ARHGEF10L: variants seen among roughly 807,000 people sequenced by gnomAD.
The protein encoded by ARHGEF10L is rho guanine nucleotide exchange factor 10-like protein.
In ARHGEF10L, 69 loss-of-function variants were observed where a neutral mutation model predicts 141.2. The ratio of observed to expected loss-of-function variants is 0.49; its 90% CI spans 0.40 to 0.60. ARHGEF10L has a LOEUF of 0.60. Among genes scored for constraint, ARHGEF10L ranks in the 20% least tolerant of loss-of-function variants. ARHGEF10L has a pLI of 0.00. For synonymous variants in ARHGEF10L, 711 were observed against 718.5 expected, an observed-to-expected ratio of 0.99 and a Z score of 0.17; for missense variants, 1,482 against 1,734.3, an observed-to-expected ratio of 0.85 and a Z score of 2.58.
At chr1:17,666,004 A>G (rs1393118729) in intron 26 of ARHGEF10L, among the ~76,000 whole-genome samples, 1 of 152,196 alleles carries the variant, frequency 6.6e-6, no homozygotes, top group Non-Finnish European at 1.5e-5. Context: ...TTCTGAAGGC[A>G]GGAAAGAACC....
intron 26 of ARHGEF10L, among the ~76,000 whole-genome samples, chr1:17,671,951 A>AG (rs2063346854): frequency 6.6e-6 from 1 of 152,154 alleles, no homozygotes; most frequent in Admixed American, 6.5e-5. Context: ...TGTTTCCCCA[A>AG]GTGGGGGGTG....
intron 26 of ARHGEF10L, among the ~76,000 whole-genome samples, chr1:17,670,220 C>G (rs909158228): frequency 3.3e-5 from 5 of 152,260 alleles, no homozygotes; most frequent in African/African-American, 1.2e-4. Flanking sequence ...CCAGCTGGTC[C>G]CTGCTGGGCT....
rs988310594 is a variant in ARHGEF10L, at chr1:17,625,129, T to A, written c.1317+626T>A. Among the ~76,000 whole-genome samples the A allele has an allele frequency of 2.6e-5, 4 of 152,104 alleles. No homozygotes were observed. Among genetic ancestry groups the A allele is most frequent in the African/African-American group, 4.8e-5 (2 of 41,420 alleles). On this transcript the variant is annotated intron_variant, in intron 13 of 28. Transcript: ENST00000361221. The surrounding 1 kb of genome is among the most constrained non-coding windows in gnomAD (Gnocchi z 4.5). ...ACGGCCTCAGTGGAGGAACCCACTG[T>A]CCCCATCAAAGAGAACAGGGGATCA...
the ARHGEF10L span, among the ~76,000 whole-genome samples, chr1:17,529,922 T>A: frequency 7.5e-6 from 1 of 133,282 alleles, no homozygotes; most frequent in Non-Finnish European, 1.6e-5. Context: ...GACCTCCACC[T>A]CCCAGGTTCA....
intron 9 of ARHGEF10L, chr1:17,618,360 C>G: frequency 2.0e-6 from 3 of 1,530,424 alleles, no homozygotes; most frequent in Non-Finnish European, 2.6e-6. Context: ...AAGAATGTTA[C>G]CCAGCAGCTC....
chr1:17,689,972 T>C, intron 27 of ARHGEF10L: 1 of 390,904 alleles, frequency 2.6e-6, no homozygotes, highest in Admixed American at 3.2e-5. Context: ...TTGTCTTACT[T>C]ACTCTTTGCA....
At chr1:17,653,926 G>A (rs1012527457) in intron 22 of ARHGEF10L, among the ~76,000 whole-genome samples, 3 of 152,220 alleles carry the variant, frequency 2.0e-5, no homozygotes, top group East Asian at 1.9e-4. Flanking sequence ...GTCCAGGGAC[G>A]GCTGGGGCCT....
chr1:17,552,571 G>GTTTT lies in ARHGEF10L; in HGVS notation c.-44+12650_-44+12653dup, dbSNP rs34766409. ...ATGCTACCACAGCTGGCTAATTTTCGTTTTTTTTTTTTTTTTTTTTTTTTT... is the reference window on the plus strand; with the variant it reads ...ATGCTACCACAGCTGGCTAATTTTCGTTTTTTTTTTTTTTTTTTTTTTTTTTTTT... On this transcript the variant is annotated intron_variant, in intron 1 of 28. Coordinates refer to ENST00000361221, the MANE Select transcript of ARHGEF10L (RefSeq NM_018125.4). Among the ~76,000 whole-genome samples the GTTTT allele has an allele frequency of 1.1e-3, 48 of 44,924 alleles. 2 individuals carry two copies. Among genetic ancestry groups the GTTTT allele is most frequent in the South Asian group, 3.1e-3 (3 of 982 alleles). 29.5% of individuals were successfully genotyped at this position (44,924 alleles called of 152,430 possible). A position where few individuals can be genotyped will look rare whatever the true frequency, so the allele number is the denominator to read the frequency against.
chr1:17,627,529 C>G lies in ARHGEF10L; in HGVS notation c.1584+26C>G. 6.2e-7 allele frequency: 1 copy of G among 1,605,770 alleles called. No homozygotes were observed. Among genetic ancestry groups the G allele is most frequent in the Middle Eastern group, 2.2e-4 (1 of 4,544 alleles). On this transcript the variant is annotated intron_variant, in intron 15 of 28. Coordinates refer to ENST00000361221, the MANE Select transcript of ARHGEF10L (RefSeq NM_018125.4). The surrounding 1 kb of genome is among the most constrained non-coding windows in gnomAD (Gnocchi z 4.0). Reference sequence around the variant, plus strand: ...GTGAGCTGGGCCTCCCACCTGCCTGCCCTCACCTGCCTGCCCTCACCTGTG... The same window carrying G: ...GTGAGCTGGGCCTCCCACCTGCCTGGCCTCACCTGCCTGCCCTCACCTGTG...
rs71643461 is a variant in ARHGEF10L at position 17,697,082 on chromosome 1, C to T, written c.3542C>T (p.Ala1181Val). 1 of 1,606,892 alleles carries T rather than the reference C, an allele frequency of 6.2e-7. No homozygotes were observed. Among genetic ancestry groups the T allele is most frequent in the Admixed American group, 1.7e-5 (1 of 59,720 alleles). Residue 1181 changes from alanine (A) to valine (V), a missense_variant, in exon 29 of 29, where the codon GCA becomes GTA. Around this residue, in one of 3 missense-constraint regions of ARHGEF10L, gnomAD observed 858 missense variants for 966.3 expected, o/e 0.89. Transcript: ENST00000361221. This position sits in a 1 kb window ranked among gnomAD's most constrained non-coding sequence, Gnocchi z 4.8. ...TTGCAGTACCGCCTGCGCTCCACCG[C>T]ACACCTCCCGGGCCCGCTGCTCTCC... The part of the protein sequence containing the change: ...ILLQYRLRST[A>V]HLPGPLLSMR...
chr1:17,621,460 T>C lies in ARHGEF10L; in HGVS notation c.943-404T>C, dbSNP rs934063049. Among the ~76,000 whole-genome samples, 1 of 152,198 alleles carries C rather than the reference T, an allele frequency of 6.6e-6. No homozygotes were observed. The highest frequency in any genetic ancestry group is 2.4e-5 in the African/African-American group (1 of 41,450). ...GTTGGCCAGGCTGGTTTCGAACTCC[T>C]GACTTCAGGTGATTTGCCCATCTCT... On this transcript the variant is annotated intron_variant, in intron 10 of 28. Coordinates refer to ENST00000361221, the MANE Select transcript of ARHGEF10L (RefSeq NM_018125.4). This position sits in a 1 kb window ranked among gnomAD's most constrained non-coding sequence, Gnocchi z 4.1.
At chr1:17,663,040 C>T (rs938574782) in intron 25 of ARHGEF10L, among the ~76,000 whole-genome samples, 2 of 152,226 alleles carry the variant, frequency 1.3e-5, no homozygotes, top group African/African-American at 4.8e-5. Flanking sequence ...CCCTTTCCCA[C>T]CTGGCACCCT....
chr1:17,585,280 G>T (rs2078930785), intron 2 of ARHGEF10L, among the ~76,000 whole-genome samples: 1 of 152,146 alleles, frequency 6.6e-6, no homozygotes, highest in African/African-American at 2.4e-5. Flanking sequence ...GGTGAATGGA[G>T]CTGGGTTCCA....
chr1:17,521,971 C>T, the ARHGEF10L span, among the ~76,000 whole-genome samples: 288 of 152,330 alleles, frequency 1.9e-3, 1 homozygote, highest in African/African-American at 6.4e-3. Context: ...CCTATCCTTA[C>T]GTAGCCCCCA....
chr1:17,639,217 C>A lies in ARHGEF10L; in HGVS notation c.2171+528C>A, dbSNP rs1300311463. 6.6e-6 allele frequency among the ~76,000 whole-genome samples: 1 copy of A among 152,178 alleles called. No homozygotes were observed. The highest frequency in any genetic ancestry group is 1.5e-5 in the Non-Finnish European group (1 of 68,032). ...CCTCCTGAGGCTTTGTAAGTTGGGTCTTTTTATTTCCATTTTACAGATGAG... is the reference window on the plus strand; with the variant it reads ...CCTCCTGAGGCTTTGTAAGTTGGGTATTTTTATTTCCATTTTACAGATGAG... On this transcript the variant is annotated intron_variant, in intron 20 of 28. Coordinates refer to ENST00000361221, the MANE Select transcript of ARHGEF10L (RefSeq NM_018125.4). The surrounding 1 kb of genome is among the most constrained non-coding windows in gnomAD (Gnocchi z 4.3).
In ARHGEF10L at chr1:17,624,690, G is replaced by A. The variant is rs373294818; in HGVS notation, c.1317+187G>A. Among the ~76,000 whole-genome samples, 82 of 152,278 alleles carry A rather than the reference G, an allele frequency of 5.4e-4. No individual in the cohort carries two copies. In the South Asian group the frequency reaches 0.012, roughly 23 times the overall value. On this transcript the variant is annotated intron_variant, in intron 13 of 28. Transcript: ENST00000361221. ...GTTCCCTCCTGCCCCTGGGAGGAGC[G>A]TAGCCAAGTGTCTGTAAGCAACTGG... is the stretch of plus-strand genomic sequence containing the variant.
chr1:17,539,857 C>CCGCGGCGGCCTGCGGAGCTGGAGG lies in ARHGEF10L; in HGVS notation c.-129_-106dup, dbSNP rs1360891028. 4 of 148,184 alleles carry CCGCGGCGGCCTGCGGAGCTGGAGG rather than the reference C, an allele frequency of 2.7e-5. No homozygotes were observed. The highest frequency in any genetic ancestry group is 4.5e-5 in the Non-Finnish European group (3 of 66,518). The allele number at this position is 148,184 out of a possible 1,614,324, so 9.2% of individuals were successfully genotyped here. A position where few individuals can be genotyped will look rare whatever the true frequency, so the allele number is the denominator to read the frequency against. On this transcript the variant is annotated 5_prime_UTR_variant, in exon 1 of 29. Coordinates refer to ENST00000361221, the MANE Select transcript of ARHGEF10L (RefSeq NM_018125.4). The surrounding 1 kb of genome is among the most constrained non-coding windows in gnomAD (Gnocchi z 6.0). ...GGGGCGCCGTCCCGGCCATGGGCGC[C>CCGCGGCGGCCTGCGGAGCTGGAGG]CGCGGCGGCCTGCGGAGCTGGAGGC...
intron 1 of ARHGEF10L, among the ~76,000 whole-genome samples, chr1:17,571,138 T>A (rs1289411689): frequency 6.6e-6 from 1 of 151,962 alleles, no homozygotes; most frequent in African/African-American, 2.4e-5. Flanking sequence ...GTGACCCAGG[T>A]GGCCCAGGGA....
At chr1:17,609,216 G>T (rs957730470) in intron 7 of ARHGEF10L, among the ~76,000 whole-genome samples, 3 of 152,206 alleles carry the variant, frequency 2.0e-5, no homozygotes, top group Admixed American at 2.0e-4. Context: ...GATCCACTCT[G>T]GGAGAGGCAT....
Sources: allele counts gnomAD v4.1 joint callset (sites outside exome capture counted in the v4.1 genomes callset), GRCh38; gene constraint gnomAD v4.1.1; regional missense constraint gnomAD v4.1.1; non-coding constraint Gnocchi (gnomAD v3.1); transcripts MANE v1.5; gene names NCBI Gene and HGNC (gene_info 2026-07-23, HGNC 2026-07-21).